The following SDHAF4 variants were observed in gnomAD, a reference collection of about 807,000 sequenced individuals.
SDHAF4 encodes the protein succinate dehydrogenase complex assembly factor 4.
SDHAF4 carries 14 observed loss-of-function variants against 14.3 expected under a neutral mutation model. That is an observed-to-expected ratio of 0.98 (90% CI 0.65 to 1.53). The LOEUF (loss-of-function observed/expected upper bound fraction) is 1.53, where lower values mean the gene tolerates loss of function less well. SDHAF4 is among the 40% of genes most tolerant of loss of function. SDHAF4 has a pLI of 0.00. For missense variants in SDHAF4, 141 were observed against 129.3 expected (o/e 1.09, Z -0.44); for synonymous variants, 63 against 47.3 (o/e 1.33, Z -1.36).
chr6:70,588,395 G>A (rs1018146210), intron 2 of SDHAF4, among the ~76,000 whole-genome samples: 29 of 152,008 alleles, frequency 1.9e-4, no homozygotes, highest in African/African-American at 5.8e-4. Context: ...TGGCATGTGC[G>A]TGTAATCCCA....
intron 1 of SDHAF4, among the ~76,000 whole-genome samples, chr6:70,570,414 C>A (rs1333315444): frequency 6.6e-6 from 1 of 152,098 alleles, no homozygotes; most frequent in Non-Finnish European, 1.5e-5. Flanking sequence ...CCTCCACCTC[C>A]CGAAATCAAG....
At chr6:70,581,466 T>A (rs1444133391) in intron 2 of SDHAF4, among the ~76,000 whole-genome samples, 2 of 152,200 alleles carry the variant, frequency 1.3e-5, no homozygotes, top group African/African-American at 4.8e-5. Context: ...ATACAGCAGG[T>A]ACTCTTCAAT....
At chr6:70,595,525 A>C in the SDHAF4 span, among the ~76,000 whole-genome samples, 1 of 152,226 alleles carries the variant, frequency 6.6e-6, no homozygotes, top group East Asian at 1.9e-4. Flanking sequence ...GAAATATTCT[A>C]TAATTCAGTC....
At position 70,566,973 on chromosome 6, in the gene SDHAF4, C is replaced by G. The variant is rs1391812711; in HGVS notation, c.33C>G (p.Ser11Arg). 1 of 1,593,116 alleles carries G rather than the reference C, an allele frequency of 6.3e-7. No individual in the cohort carries two copies. MTPSRLPWLL[S>R]WVSATAWRAA... is the part of the protein sequence containing the mutation. Reference sequence around the variant, plus strand: ...CATCGAGGCTTCCCTGGTTGCTTAGCTGGGTCTCGGCCACGGCGTGGAGAG... The same window carrying G: ...CATCGAGGCTTCCCTGGTTGCTTAGGTGGGTCTCGGCCACGGCGTGGAGAG... The change falls in exon 1 of 3, where the codon AGC becomes AGG. Residue 11 changes from serine to arginine, a missense_variant. Transcript: ENST00000370474.
downstream of SDHAF4, among the ~76,000 whole-genome samples, chr6:70,590,273 C>T (rs186525461): frequency 3.4e-3 from 519 of 152,092 alleles, 4 homozygotes; most frequent in Middle Eastern, 0.017. Flanking sequence ...AAGAAAAGCA[C>T]ACATTCAAGA....
chr6:70,571,603 G>A (rs575126506), intron 1 of SDHAF4, among the ~76,000 whole-genome samples: 3 of 152,252 alleles, frequency 2.0e-5, no homozygotes, highest in East Asian at 1.9e-4. Context: ...GTGAGCCACC[G>A]CGCCCAGCCT....
rs762736514 is a variant in SDHAF4 at position 70,583,022 on chromosome 6, ACAT to A, written c.217+3460_217+3462del. On this transcript the variant is annotated intron_variant, in intron 2 of 2. Transcript: ENST00000370474. ...GATAATGTAAATAACGATGAACAGGACATCATGTGGTAACTAGCATGAGAGATA... is the reference window on the plus strand; with the variant it reads ...GATAATGTAAATAACGATGAACAGGACATGTGGTAACTAGCATGAGAGATA... Among the ~76,000 whole-genome samples the A allele has an allele frequency of 7.2e-5, 11 of 152,246 alleles. No individual in the cohort carries two copies. In the East Asian group the frequency reaches 1.9e-3, roughly 27 times the overall value.
rs566198732 is a variant in SDHAF4, at chr6:70,589,383, C to G, written c.*659C>G. Reference sequence around the variant, plus strand: ...GTTTCACCATGTTAGCCAGGCTGGTCTCGAACTCCTGACCTCAGTTGATCC... The same window carrying G: ...GTTTCACCATGTTAGCCAGGCTGGTGTCGAACTCCTGACCTCAGTTGATCC... On this transcript the variant is annotated 3_prime_UTR_variant, in exon 3 of 3. Transcript: ENST00000370474. The G allele has an allele frequency of 2.0e-5, 3 of 152,228 alleles. No individual in the cohort carries two copies. Among genetic ancestry groups the G allele is most frequent in the African/African-American group, 7.2e-5 (3 of 41,534 alleles). 9.4% of individuals were successfully genotyped at this position (152,228 alleles called of 1,614,324 possible).
intron 1 of SDHAF4, among the ~76,000 whole-genome samples, chr6:70,576,713 T>A (rs943141323): frequency 6.6e-6 from 1 of 152,332 alleles, no homozygotes; most frequent in Admixed American, 6.5e-5. Flanking sequence ...TACAGATAAT[T>A]CCATCAAACT....
In SDHAF4 at chr6:70,579,515, G is replaced by C; in HGVS notation, c.166G>C (p.Gly56Arg). 6.2e-7 allele frequency: 1 copy of C among 1,611,254 alleles called. No individual in the cohort carries two copies. The highest frequency in any genetic ancestry group is 1.1e-5 in the South Asian group (1 of 90,610). The change falls in exon 2 of 3, where the codon GGT becomes CGT. Residue 56 changes from glycine (G) to arginine (R), a missense_variant. Physicochemically the swap from Gly to Arg is moderately radical, Grantham distance 125. Transcript: ENST00000370474. ...CCTTAAGAAGCCGAAGTTACCAGAA[G>C]GTCGTTTTGATGCACCAGAGGATTC... ...QSLKKPKLPE[G>R]RFDAPEDSHL...
At chr6:70,571,704 A>G (rs1262812931) in intron 1 of SDHAF4, among the ~76,000 whole-genome samples, 1 of 152,180 alleles carries the variant, frequency 6.6e-6, no homozygotes, top group Non-Finnish European at 1.5e-5. Context: ...GATTTTGTTT[A>G]AGATTGGAAT....
downstream of SDHAF4, among the ~76,000 whole-genome samples, chr6:70,594,307 C>T (rs1765283149): frequency 6.6e-6 from 1 of 152,170 alleles, no homozygotes; most frequent in Admixed American, 6.5e-5. Flanking sequence ...TGTTTGTCTC[C>T]TCCAAAACTC....
intron 2 of SDHAF4, among the ~76,000 whole-genome samples, chr6:70,582,167 G>A (rs1458334290): frequency 6.6e-6 from 1 of 152,056 alleles, no homozygotes; most frequent in Non-Finnish European, 1.5e-5. Context: ...AACCTCCTGG[G>A]GTTCCCTACT....
chr6:70,569,259 C>A (rs1011783123), intron 1 of SDHAF4, among the ~76,000 whole-genome samples: 1 of 151,370 alleles, frequency 6.6e-6, no homozygotes, highest in Admixed American at 6.6e-5. Flanking sequence ...CCACCGCACC[C>A]GGCCTCTTTT....
intron 1 of SDHAF4, among the ~76,000 whole-genome samples, chr6:70,576,770 G>A (rs1230537296): frequency 2.6e-5 from 4 of 152,090 alleles, no homozygotes; most frequent in African/African-American, 7.2e-5. Context: ...AAATTGTCCC[G>A]TTTACTCAGC....
At chr6:70,587,397 C>A (rs918543741) in intron 2 of SDHAF4, among the ~76,000 whole-genome samples, 2 of 152,112 alleles carry the variant, frequency 1.3e-5, no homozygotes, top group Non-Finnish European at 2.9e-5. Context: ...GAGGCTGAGG[C>A]AGGAGAATTG....
chr6:70,584,975 G>T (rs1442564575), intron 2 of SDHAF4, among the ~76,000 whole-genome samples: 1 of 152,164 alleles, frequency 6.6e-6, no homozygotes, highest in Non-Finnish European at 1.5e-5. Context: ...AAAAGCACTG[G>T]ATAAGTAAAT....
In SDHAF4 at chr6:70,566,964, G is replaced by T; in HGVS notation, c.24G>T (p.Trp8Cys). The T allele has an allele frequency of 6.3e-7, 1 of 1,592,610 alleles. No individual in the cohort carries two copies. Among genetic ancestry groups the T allele is most frequent in the Non-Finnish European group, 8.5e-7 (1 of 1,169,868 alleles). Residue 8 changes from tryptophan (W) to cysteine (C), a missense_variant, in exon 1 of 3, where the codon TGG becomes TGT. Transcript: ENST00000370474. ...CCATGACCCCATCGAGGCTTCCCTG[G>T]TTGCTTAGCTGGGTCTCGGCCACGG... is the stretch of plus-strand genomic sequence containing the variant. The part of the protein sequence containing the change: MTPSRLP[W>C]LLSWVSATAW...
chr6:70,576,089 C>T (rs1422307435), intron 1 of SDHAF4, among the ~76,000 whole-genome samples: 3 of 152,200 alleles, frequency 2.0e-5, no homozygotes, highest in African/African-American at 7.2e-5. Context: ...TTCTTTTGCT[C>T]TGCCTTTGAA....
Sources: allele counts gnomAD v4.1 joint callset (sites outside exome capture counted in the v4.1 genomes callset), GRCh38; gene constraint gnomAD v4.1.1; transcripts MANE v1.5; gene names NCBI Gene and HGNC (gene_info 2026-07-23, HGNC 2026-07-21).